Variants in EIF4G3 observed in about 807,000 individuals in gnomAD.
EIF4G3 encodes eukaryotic translation initiation factor 4 gamma 3.
Under a neutral mutation model 186.4 loss-of-function variants are expected in EIF4G3, and 34 were observed. That is an observed-to-expected ratio of 0.18 (90% confidence interval 0.14 to 0.24). The LOEUF is 0.24. Among genes scored for constraint, EIF4G3 ranks in the 10% least tolerant of loss-of-function variants. EIF4G3 has a pLI of 1.00. For synonymous variants in EIF4G3, 673 were observed against 679.5 expected (o/e 0.99, Z 0.15); for missense variants, 1,536 against 1,948.5 (o/e 0.79, Z 3.99).
At chr1:20,945,492 GTCT>G (rs2095899241) in intron 13 of EIF4G3, among the ~76,000 whole-genome samples, 1 of 152,268 alleles carries the variant, frequency 6.6e-6, no homozygotes, top group African/African-American at 2.4e-5. Flanking sequence ...CTGAGACACA[GTCT>G]TGCTCTGTCG....
At chr1:21,080,562 T>C (rs1318376724) in intron 3 of EIF4G3, among the ~76,000 whole-genome samples, 1 of 152,120 alleles carries the variant, frequency 6.6e-6, no homozygotes, top group Non-Finnish European at 1.5e-5. Context: ...CAGGCTCGAG[T>C]GCAATGGCGC....
chr1:20,818,876 T>C (rs2061644929), intron 33 of EIF4G3, among the ~76,000 whole-genome samples: 1 of 152,198 alleles, frequency 6.6e-6, no homozygotes, highest in African/African-American at 2.4e-5. Flanking sequence ...TTCTGTCATC[T>C]GATTGTTCCG....
In EIF4G3 at chr1:20,810,673, C is replaced by A. The variant is rs1364528921; in HGVS notation, c.4744+65G>T. On this transcript the variant is annotated intron_variant, in intron 36 of 36. Coordinates refer to ENST00000602326, the MANE Select transcript of EIF4G3 (RefSeq NM_001391906.1). This position sits in a 1 kb window ranked among gnomAD's most constrained non-coding sequence, Gnocchi z 4.1. ...CCTTTGTTCGAACCCTAAATCATCTCTAAGTCCTGGCTTGGATAAATCTCA... is the reference window on the plus strand; with the variant it reads ...CCTTTGTTCGAACCCTAAATCATCTATAAGTCCTGGCTTGGATAAATCTCA... 6.4e-7 allele frequency: 1 copy of A among 1,552,884 alleles called. No homozygotes were observed. The highest frequency in any genetic ancestry group is 8.9e-7 in the Non-Finnish European group (1 of 1,129,474).
chr1:20,997,715 A>G (rs1159160342), intron 6 of EIF4G3, 82 bp from the exon 7 acceptor site: 1 of 1,134,352 alleles, frequency 8.8e-7, no homozygotes, highest in East Asian at 2.7e-5. Context: ...AATTTCACAC[A>G]ATATGCCAAA....
intron 14 of EIF4G3, among the ~76,000 whole-genome samples, chr1:20,919,968 G>A (rs1016407548): frequency 2.8e-4 from 40 of 144,372 alleles, no homozygotes; most frequent in Admixed American, 1.6e-3. Flanking sequence ...GTGCAATGGC[G>A]CAATCTGGGC....
chr1:20,975,577 CCTACTA>C (rs1329378385), intron 10 of EIF4G3, among the ~76,000 whole-genome samples: 3 of 150,178 alleles, frequency 2.0e-5, no homozygotes, highest in Non-Finnish European at 4.4e-5. Flanking sequence ...GAAAATCTGC[CCTACTA>C]CTACTAATAT....
chr1:20,921,581 T>C (rs2094497612), intron 14 of EIF4G3, among the ~76,000 whole-genome samples: 1 of 152,204 alleles, frequency 6.6e-6, no homozygotes, highest in Non-Finnish European at 1.5e-5. Context: ...GACCCTCAAA[T>C]TATACCAAGA....
intron 12 of EIF4G3, among the ~76,000 whole-genome samples, chr1:20,955,470 A>G (rs1388926067): frequency 1.3e-5 from 2 of 152,220 alleles, no homozygotes; most frequent in Non-Finnish European, 2.9e-5. Flanking sequence ...CCTGGGCTCA[A>G]GTAATCCTCC....
intron 2 of EIF4G3, among the ~76,000 whole-genome samples, chr1:21,158,169 C>CTTTTTT (rs71014163): frequency 1.0e-4 from 10 of 99,510 alleles, no homozygotes; most frequent in Admixed American, 2.2e-4. Flanking sequence ...AAATACATAG[C>CTTTTTT]TTTTTTTTTT....
rs1038617850 is a variant in EIF4G3, at chr1:20,875,258, G to A, written c.2622+4065C>T. On this transcript the variant is annotated intron_variant, in intron 20 of 36. Transcript: ENST00000602326. ...CTCAGCTTTCCAAAGTGTTGACACT[G>A]TAGGCATGAGCCACTGCACCTGGTC... Among the ~76,000 whole-genome samples, 5 of 152,198 alleles carry A rather than the reference G, an allele frequency of 3.3e-5. No homozygotes were observed. In the South Asian group the frequency reaches 6.2e-4, roughly 19 times the overall value.
At chr1:20,843,146 G>A (rs1179492748) in intron 29 of EIF4G3, among the ~76,000 whole-genome samples, 3 of 151,838 alleles carry the variant, frequency 2.0e-5, no homozygotes, top group Non-Finnish European at 1.5e-5. Flanking sequence ...GCCCCTTGTG[G>A]GTTTTTTAAC....
At chr1:20,970,550 T>C (rs915023240) in intron 11 of EIF4G3, among the ~76,000 whole-genome samples, 1 of 152,052 alleles carries the variant, frequency 6.6e-6, no homozygotes, top group African/African-American at 2.4e-5. Flanking sequence ...GAGGCGGAGC[T>C]TGCAGTGAGC....
At chr1:20,999,511 C>T (rs1373635948) in intron 6 of EIF4G3, among the ~76,000 whole-genome samples, 1 of 152,128 alleles carries the variant, frequency 6.6e-6, no homozygotes, top group Non-Finnish European at 1.5e-5. Context: ...CACTGTTCCA[C>T]AGAAAATGTC....
At chr1:20,922,034 T>G (rs1411853543) in intron 14 of EIF4G3, among the ~76,000 whole-genome samples, 3 of 152,228 alleles carry the variant, frequency 2.0e-5, no homozygotes, top group Non-Finnish European at 4.4e-5. Context: ...TTTTGCAGCA[T>G]TTGGTATTGG....
At chr1:21,153,270 CAA>C (rs2097579765) in intron 2 of EIF4G3, among the ~76,000 whole-genome samples, 2 of 152,184 alleles carry the variant, frequency 1.3e-5, no homozygotes, top group Admixed American at 6.6e-5. Context: ...CTTAGACAGA[CAA>C]AAGTCTTCAC....
intron 33 of EIF4G3, among the ~76,000 whole-genome samples, chr1:20,822,574 T>C (rs190004069): frequency 3.5e-4 from 53 of 151,114 alleles, no homozygotes; most frequent in African/African-American, 1.2e-3. Context: ...CATTTGTTCT[T>C]ATTGTTCTAA....
chr1:21,115,207 G>A (rs2096795637), intron 2 of EIF4G3, among the ~76,000 whole-genome samples: 1 of 152,110 alleles, frequency 6.6e-6, no homozygotes, highest in Non-Finnish European at 1.5e-5. Flanking sequence ...TCTAGCTATT[G>A]TAAAGTGAGA....
At chr1:20,944,407 C>T (rs911648959) in intron 13 of EIF4G3, among the ~76,000 whole-genome samples, 6 of 151,798 alleles carry the variant, frequency 4.0e-5, no homozygotes, top group Non-Finnish European at 5.9e-5. Flanking sequence ...CCCAGCTACT[C>T]GGGAGGCCAA....
At chr1:20,884,783 T>C (rs2083559693) in intron 19 of EIF4G3, among the ~76,000 whole-genome samples, 1 of 152,202 alleles carries the variant, frequency 6.6e-6, no homozygotes, top group Non-Finnish European at 1.5e-5. Context: ...CTTTGTTTTG[T>C]ATTAACTACT....
Sources: allele counts gnomAD v4.1 joint callset (sites outside exome capture counted in the v4.1 genomes callset), GRCh38; gene constraint gnomAD v4.1.1; non-coding constraint Gnocchi (gnomAD v3.1); transcripts MANE v1.5; gene names NCBI Gene and HGNC (gene_info 2026-07-23, HGNC 2026-07-21).